Variants in BCL11B observed in about 807,000 individuals in gnomAD.
BCL11B encodes BCL11 transcription factor B.
Under a neutral mutation model 49.9 loss-of-function variants are expected in BCL11B, and 8 were observed. The observed-to-expected ratio is 0.16, with a 90% confidence interval of 0.09 to 0.29. BCL11B has a LOEUF of 0.29. Among genes scored for constraint, BCL11B ranks in the 10% least tolerant of loss-of-function variants. BCL11B has a pLI of 1.00. For missense variants in BCL11B, 1,006 were observed against 1,351.0 expected (o/e 0.74, Z 4.00); for synonymous variants, 739 against 637.4 (o/e 1.16, Z -2.40).
intron 3 of BCL11B, among the ~76,000 whole-genome samples, chr14:99,202,344 A>T (rs1246361910): frequency 1.3e-5 from 2 of 152,162 alleles, no homozygotes; most frequent in African/African-American, 4.8e-5. Context: ...TGCATGCTGT[A>T]GGAGCCTCTA....
At chr14:99,182,747 C>T (rs1052246306) in intron 3 of BCL11B, among the ~76,000 whole-genome samples, 6 of 152,182 alleles carry the variant, frequency 3.9e-5, no homozygotes, top group Non-Finnish European at 7.3e-5. Context: ...CCAAGGCCTG[C>T]GGTAGACATT....
At chr14:99,225,194 G>C (rs950525149) in intron 3 of BCL11B, among the ~76,000 whole-genome samples, 5 of 152,218 alleles carry the variant, frequency 3.3e-5, no homozygotes, top group African/African-American at 1.2e-4. Context: ...AGGTAGTATG[G>C]CCTAGTGGGC....
chr14:99,270,893 A>C (rs1361606804), intron 1 of BCL11B, among the ~76,000 whole-genome samples: 2 of 148,762 alleles, frequency 1.3e-5, no homozygotes, highest in Non-Finnish European at 3.0e-5. Context: ...TCCAGCCTGC[A>C]TGCCCCCTCC....
intron 1 of BCL11B, among the ~76,000 whole-genome samples, chr14:99,266,666 T>G (rs892457507): frequency 1.3e-5 from 2 of 152,224 alleles, no homozygotes; most frequent in Non-Finnish European, 2.9e-5. Context: ...CTGCCGCCGC[T>G]GCTGATGGAA....
chr14:99,219,091 G>C (rs1434593046), intron 3 of BCL11B, among the ~76,000 whole-genome samples: 1 of 150,902 alleles, frequency 6.6e-6, no homozygotes, highest in Non-Finnish European at 1.5e-5. Flanking sequence ...CCCAAGGCTG[G>C]AGTGCAGTGG....
At position 99,169,660 on chromosome 14, in the gene BCL11B, T is replaced by G. The variant is rs1886224625; in HGVS notation, c.*4491A>C. 2 of 216,932 alleles carry G rather than the reference T, an allele frequency of 9.2e-6. No individual in the cohort carries two copies. Among genetic ancestry groups the G allele is most frequent in the Middle Eastern group, 1.4e-3 (1 of 708 alleles). 13.4% of individuals were successfully genotyped at this position (216,932 alleles called of 1,614,324 possible). ...AAAAGGTAATAAAAATATTTTGCCT[T>G]GCCAGTACAAATGCAAACAACTTAA... On this transcript the variant is annotated 3_prime_UTR_variant, in exon 4 of 4. Coordinates refer to ENST00000357195, the MANE Select transcript of BCL11B (RefSeq NM_138576.4).
At chr14:99,267,575 A>C (rs1217752256) in intron 1 of BCL11B, among the ~76,000 whole-genome samples, 3 of 151,598 alleles carry the variant, frequency 2.0e-5, no homozygotes, top group Non-Finnish European at 2.9e-5. Context: ...CAAAAAAAAA[A>C]AAAGAGGGCT....
At chr14:99,240,033 T>A (rs1400181262) in intron 2 of BCL11B, among the ~76,000 whole-genome samples, 2 of 152,130 alleles carry the variant, frequency 1.3e-5, no homozygotes, top group East Asian at 3.9e-4. Context: ...GTCATGGATA[T>A]GAGGAATGTA....
chr14:99,223,633 C>T (rs909256795), intron 3 of BCL11B, among the ~76,000 whole-genome samples: 1 of 152,246 alleles, frequency 6.6e-6, no homozygotes, highest in Non-Finnish European at 1.5e-5. Context: ...ATTACTCTCT[C>T]GCTTCTTCCA....
At chr14:99,193,786 CTG>C (rs1277687184) in intron 3 of BCL11B, among the ~76,000 whole-genome samples, 4 of 152,166 alleles carry the variant, frequency 2.6e-5, no homozygotes, top group African/African-American at 9.7e-5. Flanking sequence ...TTCATCAAGT[CTG>C]TGATCATTTT....
At chr14:99,200,853 C>T (rs1020940819) in intron 3 of BCL11B, among the ~76,000 whole-genome samples, 3 of 152,206 alleles carry the variant, frequency 2.0e-5, no homozygotes, top group Non-Finnish European at 4.4e-5. Flanking sequence ...AGGCCTGGCA[C>T]AGAGCAGCCC....
chr14:99,252,667 A>G lies in BCL11B; in HGVS notation c.427+4804T>C, dbSNP rs1266910585. ...AGGGCTGCCTGCCACCTCCAAGCCC[A>G]GAGGGATCTGCCACCTCCTGTCACC... On this transcript the variant is annotated intron_variant, in intron 2 of 3. Coordinates refer to ENST00000357195, the MANE Select transcript of BCL11B (RefSeq NM_138576.4). Among the ~76,000 whole-genome samples, 4 of 152,380 alleles carry G rather than the reference A, an allele frequency of 2.6e-5. No individual in the cohort carries two copies. The East Asian group carries it at 5.8e-4, about 22-fold the overall frequency.
chr14:99,209,879 G>C (rs749638080), intron 3 of BCL11B, among the ~76,000 whole-genome samples: 1 of 152,170 alleles, frequency 6.6e-6, no homozygotes, highest in South Asian at 2.1e-4. Context: ...CAACAGGGCA[G>C]CCACTATCTC....
chr14:99,217,251 C>G (rs1887870083), intron 3 of BCL11B, among the ~76,000 whole-genome samples: 1 of 152,202 alleles, frequency 6.6e-6, no homozygotes, highest in African/African-American at 2.4e-5. Flanking sequence ...TCCACACATA[C>G]ACATATGCTG....
At position 99,172,946 on chromosome 14, in the gene BCL11B, A is replaced by ACCCCC; in HGVS notation, c.*1204_*1205insGGGGG. 5.4e-6 allele frequency: 1 copy of ACCCCC among 185,940 alleles called. No individual in the cohort carries two copies. Among genetic ancestry groups the ACCCCC allele is most frequent in the East Asian group, 9.3e-5 (1 of 10,794 alleles). The allele number at this position is 185,940 out of a possible 1,614,324, so 11.5% of individuals were successfully genotyped here. ...GAGAATAGAAATTTGCAAGATCCCC[A>ACCCCC]CCCCACCCATCCCTACAATATCATC... On this transcript the variant is annotated 3_prime_UTR_variant, in exon 4 of 4. Transcript: ENST00000357195.
intron 3 of BCL11B, among the ~76,000 whole-genome samples, chr14:99,227,249 C>T (rs1471241635): frequency 1.3e-5 from 2 of 152,156 alleles, no homozygotes; most frequent in Non-Finnish European, 2.9e-5. Flanking sequence ...AATCCCATTC[C>T]GCTCGTGCAT....
intron 1 of BCL11B, among the ~76,000 whole-genome samples, chr14:99,265,394 A>C (rs34611983): frequency 0.23 from 34,908 of 152,100 alleles, 5,349 homozygotes; most frequent in Non-Finnish European, 0.35. Context: ...CTAACCAGGC[A>C]GCCAGAAGGT....
intron 3 of BCL11B, among the ~76,000 whole-genome samples, chr14:99,178,311 A>G (rs1375636748): frequency 6.6e-6 from 1 of 152,204 alleles, no homozygotes; most frequent in African/African-American, 2.4e-5. Context: ...CTCAAGGAGC[A>G]CCTCTGAGGC....
chr14:99,203,450 G>A (rs777415413), intron 3 of BCL11B, among the ~76,000 whole-genome samples: 9 of 152,186 alleles, frequency 5.9e-5, no homozygotes, highest in Non-Finnish European at 8.8e-5. Flanking sequence ...TCTTAAAGGC[G>A]AGTTCAAAGA....
Sources: allele counts gnomAD v4.1 joint callset (sites outside exome capture counted in the v4.1 genomes callset), GRCh38; gene constraint gnomAD v4.1.1; transcripts MANE v1.5; gene names NCBI Gene and HGNC (gene_info 2026-07-23, HGNC 2026-07-21).